Variants in BUB3 observed in about 807,000 individuals in gnomAD.
BUB3 encodes the protein BUB3 mitotic checkpoint protein.
In BUB3, 22 loss-of-function variants were observed where a neutral mutation model predicts 39.9. The ratio of observed to expected loss-of-function variants is 0.55; its 90% confidence interval spans 0.39 to 0.79. The LOEUF (loss-of-function observed/expected upper bound fraction) is 0.79. BUB3 is among the 30% of genes least tolerant of loss of function. The pLI is 0.00. For missense variants in BUB3, 303 were observed against 415.4 expected, an observed-to-expected ratio of 0.73 and a Z score of 2.35; for synonymous variants, 168 against 155.1, an observed-to-expected ratio of 1.08 and a Z score of -0.62.
At position 123,170,352 on chromosome 10, in the gene BUB3, T is replaced by G. The variant is rs1844533782; in HGVS notation, c.*6517T>G. 6.6e-6 allele frequency: 1 copy of G among 152,220 alleles called. No homozygotes were observed. The allele number at this position is 152,220 out of a possible 1,614,324, so 9.4% of individuals were successfully genotyped here. On this transcript the variant is annotated 3_prime_UTR_variant, in exon 8 of 8. Coordinates refer to ENST00000368865, the MANE Select transcript of BUB3 (RefSeq NM_004725.4). Reference sequence around the variant, plus strand: ...TTTCTGTTAAAATATTTATGAACTATTTCAAACATTCAGAAAAACTCAGGA... The same window carrying G: ...TTTCTGTTAAAATATTTATGAACTAGTTCAAACATTCAGAAAAACTCAGGA...
chr10:123,164,064 A>G lies in BUB3; in HGVS notation c.*229A>G. The G allele has an allele frequency of 9.9e-6, 12 of 1,211,790 alleles. No individual in the cohort carries two copies. Among genetic ancestry groups the G allele is most frequent in the Non-Finnish European group, 1.0e-5 (10 of 973,682 alleles). The allele number at this position is 1,211,790 out of a possible 1,614,324, so 75.1% of individuals were successfully genotyped here. On this transcript the variant is annotated 3_prime_UTR_variant, in exon 8 of 8. Coordinates refer to ENST00000368865, the MANE Select transcript of BUB3 (RefSeq NM_004725.4). ...TGCATTAAAGGTATTTGGGCAAACA[A>G]AATTGGAGGGCAAGTGACTGCAGTT...
intron 3 of BUB3, 25 bp downstream of exon 3, chr10:123,155,752 T>G (rs1489211807): frequency 6.2e-7 from 1 of 1,606,200 alleles, no homozygotes; most frequent in Non-Finnish European, 8.5e-7. Context: ...TCTTTACCAG[T>G]TTGTTTTCTT....
chr10:123,160,565 G>A lies in BUB3; in HGVS notation c.576G>A (p.Gln192=). 2 of 1,582,774 alleles carry A rather than the reference G, an allele frequency of 1.3e-6. No homozygotes were observed. Among genetic ancestry groups the A allele is most frequent in the Non-Finnish European group, 1.7e-6 (2 of 1,167,618 alleles). The change falls in exon 5 of 8, where the codon CAG becomes CAA. Residue 192 remains glutamine (Q), a splice_region_variant and synonymous_variant. Transcript: ENST00000368865. ...GCATACGAGCGTTTCCAAACAAGCA[G>A]GTATTGAACTATACCTCCTCTTCTT... The part of the protein sequence containing the change: ...TRCIRAFPNK[Q]GYVLSSIEGR...
Position 123,155,697 on chromosome 10 carries a change from T to C in BUB3, c.235T>C (p.Leu79=), listed in dbSNP as rs754845125. 14 of 1,614,030 alleles carry C rather than the reference T, an allele frequency of 8.7e-6. No individual in the cohort carries two copies. In the South Asian group the frequency reaches 1.3e-4, roughly 15 times the overall value. Residue 79 remains leucine (L), a synonymous_variant, in exon 3 of 8, where the codon TTG becomes CTG. Transcript: ENST00000368865. ...HAWSGGLDHQ[L]KMHDLNTDQE... is the part of the protein sequence containing the mutation. ...CTGGAGTGGAGGACTAGATCATCAA[T>C]TGAAAATGCATGATTTGAACACTGA...
At chr10:123,162,557 T>C (rs916221744) in intron 6 of BUB3, 55 bp from the exon 7 acceptor site, 1 of 1,572,484 alleles carries the variant, frequency 6.4e-7, no homozygotes, top group African/African-American at 1.4e-5. Flanking sequence ...AAGAGAATGG[T>C]TATTTCTGTA....
At chr10:123,158,134 C>T (rs1282852116) in intron 4 of BUB3, among the ~76,000 whole-genome samples, 5 of 152,154 alleles carry the variant, frequency 3.3e-5, no homozygotes, top group African/African-American at 7.2e-5. Context: ...TGCTTTAAAT[C>T]GCAAAATTGA....
chr10:123,163,586 C>G (rs1032268278), intron 7 of BUB3, among the ~76,000 whole-genome samples: 2 of 152,172 alleles, frequency 1.3e-5, no homozygotes. Context: ...CTGTACTTTG[C>G]TGAGTTAAAA....
chr10:123,156,279 A>C (rs1375204292), intron 3 of BUB3, among the ~76,000 whole-genome samples: 3 of 152,232 alleles, frequency 2.0e-5, no homozygotes, highest in Admixed American at 2.0e-4. Context: ...GAAATGACTT[A>C]CTCAAATTTT....
intron 4 of BUB3, among the ~76,000 whole-genome samples, 188 bp from the exon 5 acceptor site, chr10:123,160,219 A>G (rs950759563): frequency 2.6e-4 from 40 of 152,190 alleles, no homozygotes; most frequent in African/African-American, 9.7e-4. Context: ...GGAGAGCATC[A>G]TGGGTTTGCT....
At position 123,166,490 on chromosome 10, in the gene BUB3, G is replaced by T. The variant is rs188177930; in HGVS notation, c.*2655G>T. 1 of 152,234 alleles carries T rather than the reference G, an allele frequency of 6.6e-6. No individual in the cohort carries two copies. The highest frequency in any genetic ancestry group is 2.4e-5 in the African/African-American group (1 of 41,560). The allele number at this position is 152,234 out of a possible 1,614,324, so 9.4% of individuals were successfully genotyped here. ...TTTCTTTGCTTTTTAAGAAATCCTG[G>T]CTATGTCACCTTGAATTGATTTTAC... is the stretch of plus-strand genomic sequence containing the variant. On this transcript the variant is annotated 3_prime_UTR_variant, in exon 8 of 8. Coordinates refer to ENST00000368865, the MANE Select transcript of BUB3 (RefSeq NM_004725.4).
At chr10:123,163,502 T>C (rs1844450582) in intron 7 of BUB3, among the ~76,000 whole-genome samples, 1 of 152,218 alleles carries the variant, frequency 6.6e-6, no homozygotes, top group Admixed American at 6.5e-5. Context: ...CCCAGTTCCT[T>C]GTCCCCTCTC....
chr10:123,155,784 A>G, intron 3 of BUB3, 57 bp downstream of exon 3: 4 of 1,525,464 alleles, frequency 2.6e-6, no homozygotes, highest in Non-Finnish European at 3.6e-6. Context: ...TTAAGTATAA[A>G]TGTTTATGTA....
chr10:123,158,480 G>C (rs975849577), intron 4 of BUB3, among the ~76,000 whole-genome samples: 1 of 152,148 alleles, frequency 6.6e-6, no homozygotes, highest in African/African-American at 2.4e-5. Flanking sequence ...AAGTGTAATT[G>C]AGCTTTCCTT....
Position 123,156,868 on chromosome 10 carries a change from C to T in BUB3, c.266-861C>T, listed in dbSNP as rs548773393. On this transcript the variant is annotated intron_variant, in intron 3 of 7. Transcript: ENST00000368865. ...TTCAGGCAATTCTGCCTCAGCCTCC[C>T]GAGTAGCTGGGACTACAGGTGTGCG... Among the ~76,000 whole-genome samples the T allele has an allele frequency of 1.3e-4, 19 of 151,768 alleles. No individual in the cohort carries two copies. The South Asian group carries it at 3.8e-3, about 30-fold the overall frequency.
At position 123,166,670 on chromosome 10, in the gene BUB3, G is replaced by A. The variant is rs773117876; in HGVS notation, c.*2835G>A. ...CACCCTTCAGTGATTTCATAAGGAG[G>A]TGTGCTGCTTCCCAAGCTTCTAGAT... On this transcript the variant is annotated 3_prime_UTR_variant, in exon 8 of 8. Coordinates refer to ENST00000368865, the MANE Select transcript of BUB3 (RefSeq NM_004725.4). 6.6e-6 allele frequency: 1 copy of A among 152,150 alleles called. No individual in the cohort carries two copies. The highest frequency in any genetic ancestry group is 2.4e-5 in the African/African-American group (1 of 41,430). The allele number at this position is 152,150 out of a possible 1,614,324, so 9.4% of individuals were successfully genotyped here.
intron 4 of BUB3, among the ~76,000 whole-genome samples, chr10:123,158,623 T>G (rs1844380931): frequency 6.6e-6 from 1 of 152,236 alleles, no homozygotes; most frequent in Non-Finnish European, 1.5e-5. Context: ...TAGCCATCAT[T>G]ATTTACAATA....
Position 123,164,954 on chromosome 10 carries a change from A to T in BUB3, c.*1119A>T. ...TGATGTATTTTTTTTAATTCTTTTG[A>T]TACAGAGAAGGGTCTTTTTTTTTTT... On this transcript the variant is annotated 3_prime_UTR_variant, in exon 8 of 8. Coordinates refer to ENST00000368865, the MANE Select transcript of BUB3 (RefSeq NM_004725.4). The T allele has an allele frequency of 1.3e-6, 2 of 1,513,678 alleles. No individual in the cohort carries two copies. Among genetic ancestry groups the T allele is most frequent in the Non-Finnish European group, 8.8e-7 (1 of 1,138,994 alleles). The allele number at this position is 1,513,678 out of a possible 1,614,324, so 93.8% of individuals were successfully genotyped here. A position where few individuals can be genotyped will look rare whatever the true frequency, so the allele number is the denominator to read the frequency against.
At position 123,165,576 on chromosome 10, in the gene BUB3, G is replaced by A. The variant is rs1035087536; in HGVS notation, c.*1741G>A. The A allele has an allele frequency of 6.6e-6, 1 of 152,322 alleles. No homozygotes were observed. The highest frequency in any genetic ancestry group is 1.5e-5 in the Non-Finnish European group (1 of 68,286). 9.4% of individuals were successfully genotyped at this position (152,322 alleles called of 1,614,324 possible). On this transcript the variant is annotated 3_prime_UTR_variant, in exon 8 of 8. Transcript: ENST00000368865. Reference sequence around the variant, plus strand: ...TCAGCCATTTCCCTCATGCCCCCTTGTGCCCTCTCGGTGGATCAGCAGGGC... The same window carrying A: ...TCAGCCATTTCCCTCATGCCCCCTTATGCCCTCTCGGTGGATCAGCAGGGC...
intron 6 of BUB3, 61 bp from the exon 7 acceptor site, chr10:123,162,546 TAAGAG>T: frequency 1.3e-6 from 2 of 1,563,760 alleles, no homozygotes; most frequent in Non-Finnish European, 1.7e-6. Flanking sequence ...AATTAACTGT[TAAGAG>T]AATGGTTATT....
Sources: gnomAD v4.1 joint callset for allele counts (sites outside exome capture counted in the v4.1 genomes callset) on GRCh38, gnomAD v4.1.1 for gene constraint, MANE v1.5 for transcripts, NCBI Gene and HGNC (gene_info 2026-07-23, HGNC 2026-07-21) for gene names.